CTNNA3: variants seen among roughly 807,000 people sequenced by gnomAD.
CTNNA3 encodes the protein catenin alpha-3.
Under a neutral mutation model 95.7 loss-of-function variants are expected in CTNNA3, and 76 were observed. The ratio of observed to expected loss-of-function variants is 0.79; its 90% confidence interval spans 0.66 to 0.96. The LOEUF (loss-of-function observed/expected upper bound fraction) is 0.96, where lower values mean the gene tolerates loss of function less well. Among genes scored for constraint, CTNNA3 ranks in the 40% least tolerant of loss-of-function variants. The pLI, the probability that CTNNA3 is intolerant of heterozygous loss-of-function variation, is 0.00. For missense variants in CTNNA3, 1,191 were observed against 1,089.8 expected (o/e 1.09, Z -1.31); for synonymous variants, 431 against 374.4 (o/e 1.15, Z -1.74).
chr10:66,145,996 G>T (rs1164690449), intron 13 of CTNNA3, among the ~76,000 whole-genome samples: 4 of 152,074 alleles, frequency 2.6e-5, no homozygotes, highest in African/African-American at 7.2e-5. Context: ...TGGGACTATA[G>T]GCACGCGCCA....
chr10:66,764,248 G>C (rs1278763855), intron 9 of CTNNA3, among the ~76,000 whole-genome samples: 1 of 152,084 alleles, frequency 6.6e-6, no homozygotes, highest in Admixed American at 6.6e-5. Context: ...AATTCACATG[G>C]AATGCAGAAT....
At chr10:67,119,886 C>T (rs1859373868) in intron 7 of CTNNA3, among the ~76,000 whole-genome samples, 3 of 151,830 alleles carry the variant, frequency 2.0e-5, no homozygotes, top group Admixed American at 2.0e-4. Flanking sequence ...CAAGTATTTC[C>T]TGCCTTAGGT....
intron 5 of CTNNA3, among the ~76,000 whole-genome samples, chr10:67,330,119 A>G (rs1234813539): frequency 6.6e-6 from 1 of 152,232 alleles, no homozygotes; most frequent in Non-Finnish European, 1.5e-5. Context: ...GCATAATTAC[A>G]GCTGCAAGGG....
intron 5 of CTNNA3, among the ~76,000 whole-genome samples, chr10:67,253,006 A>G (rs1354736587): frequency 6.6e-6 from 1 of 152,210 alleles, no homozygotes; most frequent in Non-Finnish European, 1.5e-5. Flanking sequence ...ACCTCAGCAT[A>G]CAATTATTTT....
chr10:66,632,568 A>G (rs1397201951), intron 9 of CTNNA3, among the ~76,000 whole-genome samples: 1 of 150,382 alleles, frequency 6.6e-6, no homozygotes, highest in East Asian at 2.0e-4. Context: ...AAAAAAAAAA[A>G]AAAAAAAAGA....
intron 5 of CTNNA3, among the ~76,000 whole-genome samples, chr10:67,520,935 T>A (rs959676050): frequency 3.9e-5 from 6 of 152,212 alleles, no homozygotes; most frequent in African/African-American, 7.2e-5. Flanking sequence ...TTTGCTACTC[T>A]AAGAGGAAAG....
chr10:67,753,898 C>T (rs1418600611), intron 1 of CTNNA3, among the ~76,000 whole-genome samples: 1 of 152,222 alleles, frequency 6.6e-6, no homozygotes, highest in Non-Finnish European at 1.5e-5. Context: ...TTGTGGAAGA[C>T]AGTGTGGTGA....
intron 9 of CTNNA3, among the ~76,000 whole-genome samples, chr10:66,628,032 G>A (rs4746604): frequency 0.39 from 59,088 of 151,714 alleles, 11,653 homozygotes; most frequent in Middle Eastern, 0.54. Flanking sequence ...GCATTATAGC[G>A]AATTCTCCTT....
intron 11 of CTNNA3, among the ~76,000 whole-genome samples, chr10:66,493,557 G>T (rs1178962672): frequency 6.9e-6 from 1 of 144,950 alleles, no homozygotes; most frequent in Non-Finnish European, 1.5e-5. Flanking sequence ...TAATTTTTTT[G>T]TTGTTGTTGG....
At chr10:65,927,178 G>A (rs2077181117) in intron 17 of CTNNA3, among the ~76,000 whole-genome samples, 1 of 151,972 alleles carries the variant, frequency 6.6e-6, no homozygotes, top group South Asian at 2.1e-4. Flanking sequence ...TGATTTTTTA[G>A]TTAACTCACG....
chr10:66,014,145 T>C (rs955701216), intron 15 of CTNNA3, among the ~76,000 whole-genome samples: 1 of 152,014 alleles, frequency 6.6e-6, no homozygotes. Flanking sequence ...TAGGAATGAA[T>C]GCACAGAAGG....
intron 14 of CTNNA3, among the ~76,000 whole-genome samples, chr10:66,078,282 C>A: frequency 6.6e-6 from 1 of 151,922 alleles, no homozygotes; most frequent in East Asian, 1.9e-4. Context: ...ATGCTATTAA[C>A]TGTCATCTTC....
chr10:67,422,261 A>G (rs1845772345), intron 5 of CTNNA3, among the ~76,000 whole-genome samples: 1 of 152,162 alleles, frequency 6.6e-6, no homozygotes. Context: ...TGATAACTGT[A>G]TTGAGATTAT....
At chr10:66,978,185 A>G (rs1303202584) in intron 7 of CTNNA3, among the ~76,000 whole-genome samples, 2 of 152,018 alleles carry the variant, frequency 1.3e-5, no homozygotes, top group Non-Finnish European at 1.5e-5. Context: ...TGCAAGATGA[A>G]TAAGTTCTAG....
chr10:66,844,497 A>C (rs1387062825), intron 7 of CTNNA3, among the ~76,000 whole-genome samples: 2 of 152,100 alleles, frequency 1.3e-5, no homozygotes. Flanking sequence ...TACTGTCTTT[A>C]TGTCACTGGT....
chr10:66,686,614 C>A (rs1028996969), intron 9 of CTNNA3, among the ~76,000 whole-genome samples: 2 of 152,142 alleles, frequency 1.3e-5, no homozygotes, highest in African/African-American at 4.8e-5. Flanking sequence ...CCAGTGATTG[C>A]AGACATAGAA....
chr10:67,688,504 C>T (rs1421385155), intron 1 of CTNNA3, among the ~76,000 whole-genome samples: 4 of 152,174 alleles, frequency 2.6e-5, no homozygotes, highest in African/African-American at 2.4e-5. Context: ...CATTTGCCTT[C>T]CTTCTTACAG....
chr10:66,089,650 A>G (rs2081135675), intron 14 of CTNNA3, among the ~76,000 whole-genome samples: 1 of 151,780 alleles, frequency 6.6e-6, no homozygotes, highest in South Asian at 2.1e-4. Context: ...TTAGGCATCT[A>G]CTTTGTTTTT....
chr10:66,681,148 T>C (rs1215637642), intron 9 of CTNNA3, among the ~76,000 whole-genome samples: 1 of 152,214 alleles, frequency 6.6e-6, no homozygotes, highest in Non-Finnish European at 1.5e-5. Context: ...TGATGTGATG[T>C]TTGAAATATG....
Sources: gnomAD v4.1 joint callset for allele counts (sites outside exome capture counted in the v4.1 genomes callset) on GRCh38, gnomAD v4.1.1 for gene constraint, MANE v1.5 for transcripts, NCBI Gene and HGNC (gene_info 2026-07-23, HGNC 2026-07-21) for gene names.